KCTD8: variants seen among roughly 807,000 people sequenced by gnomAD.
KCTD8 encodes the protein potassium channel tetramerization domain containing 8, also known as BTB/POZ domain-containing protein KCTD8.
In KCTD8, 27 loss-of-function variants were observed where a neutral mutation model predicts 31.5. The observed-to-expected ratio is 0.86, with a 90% confidence interval of 0.63 to 1.18. The LOEUF is 1.18. Ranked by LOEUF, KCTD8 falls within the 50% of genes most tolerant of loss-of-function variation. The probability of loss-of-function intolerance (pLI) is 0.00; values close to 1 mark genes in which losing one functional copy is unlikely to be tolerated. For synonymous variants in KCTD8, 290 were observed against 280.0 expected (o/e 1.04, Z -0.36); for missense variants, 658 against 647.7 (o/e 1.02, Z -0.17).
intron 1 of KCTD8, among the ~76,000 whole-genome samples, chr4:44,325,262 G>A (rs1467156664): frequency 3.3e-5 from 5 of 151,876 alleles, no homozygotes; most frequent in Non-Finnish European, 7.4e-5. Flanking sequence ...GAAATTCAAA[G>A]TGAAGAGAAC....
intron 1 of KCTD8, among the ~76,000 whole-genome samples, chr4:44,293,059 T>C (rs1717327170): frequency 6.6e-6 from 1 of 152,098 alleles, no homozygotes; most frequent in Non-Finnish European, 1.5e-5. Flanking sequence ...TAAGAGATGT[T>C]GATAAAATGC....
chr4:44,213,598 T>C (rs76709571), intron 1 of KCTD8, among the ~76,000 whole-genome samples: 3,065 of 152,320 alleles, frequency 0.02, 57 homozygotes, highest in Non-Finnish European at 0.029. Context: ...AGTTCAGTTA[T>C]TGTTAATGTT....
intron 1 of KCTD8, among the ~76,000 whole-genome samples, chr4:44,288,525 G>T (rs553262647): frequency 6.6e-6 from 1 of 152,052 alleles, no homozygotes; most frequent in Non-Finnish European, 1.5e-5. Context: ...TATAATTTCT[G>T]CTCTTTCAAA....
At position 44,431,053 on chromosome 4, in the gene KCTD8, T is replaced by A. The variant is rs913477870; in HGVS notation, c.961+16510A>T. Among the ~76,000 whole-genome samples the A allele has an allele frequency of 4.6e-5, 7 of 151,826 alleles. No individual in the cohort carries two copies. The East Asian group carries it at 1.4e-3, about 29-fold the overall frequency. ...AACAAACTGTACTTCAATAACCAAA[T>A]TTTTAAAATATAACTTACAATAGCA... On this transcript the variant is annotated intron_variant, in intron 1 of 1. Transcript: ENST00000360029.
At chr4:44,364,284 T>C (rs1453084189) in intron 1 of KCTD8, among the ~76,000 whole-genome samples, 1 of 152,144 alleles carries the variant, frequency 6.6e-6, no homozygotes, top group South Asian at 2.1e-4. Context: ...AATATTTGAA[T>C]AGACACCACA....
chr4:44,206,803 T>C (rs999056206), intron 1 of KCTD8, among the ~76,000 whole-genome samples: 6 of 152,194 alleles, frequency 3.9e-5, no homozygotes, highest in Non-Finnish European at 7.3e-5. Flanking sequence ...GGAAGTTATT[T>C]AAACATCTCC....
At chr4:44,372,234 T>C (rs920529652) in intron 1 of KCTD8, among the ~76,000 whole-genome samples, 1 of 152,002 alleles carries the variant, frequency 6.6e-6, no homozygotes, top group Non-Finnish European at 1.5e-5. Context: ...CCAAAAATTA[T>C]TGGTAAATTA....
intron 1 of KCTD8, among the ~76,000 whole-genome samples, chr4:44,377,631 C>G (rs1719949830): frequency 6.6e-6 from 1 of 152,132 alleles, no homozygotes; most frequent in Admixed American, 6.5e-5. Flanking sequence ...GACACAAGTT[C>G]CTCTTGTTTA....
chr4:44,341,772 A>C (rs1345113825), intron 1 of KCTD8, among the ~76,000 whole-genome samples: 1 of 152,134 alleles, frequency 6.6e-6, no homozygotes, highest in Non-Finnish European at 1.5e-5. Context: ...GTTGGAATCA[A>C]CTTCTTCCAA....
At chr4:44,180,476 A>T (rs1560387352) in intron 1 of KCTD8, among the ~76,000 whole-genome samples, 1 of 152,216 alleles carries the variant, frequency 6.6e-6, no homozygotes, top group African/African-American at 2.4e-5. Context: ...TGCTCCATCC[A>T]TTGAGCATTT....
At chr4:44,304,588 T>C (rs1256177507) in intron 1 of KCTD8, among the ~76,000 whole-genome samples, 1 of 152,180 alleles carries the variant, frequency 6.6e-6, no homozygotes, top group Non-Finnish European at 1.5e-5. Context: ...TTTGTTGTAC[T>C]GTATTAAGTA....
intron 1 of KCTD8, among the ~76,000 whole-genome samples, chr4:44,289,414 A>G (rs1426782284): frequency 6.6e-6 from 1 of 152,212 alleles, no homozygotes; most frequent in Non-Finnish European, 1.5e-5. Context: ...CTTATCTATT[A>G]TTAAAGTACA....
intron 1 of KCTD8, among the ~76,000 whole-genome samples, chr4:44,358,902 T>G (rs6819070): frequency 0.12 from 18,505 of 152,256 alleles, 1,342 homozygotes; most frequent in East Asian, 0.25. Context: ...TGGTTTTGAT[T>G]TGCATTTCTC....
chr4:44,288,298 A>G (rs1233939782), intron 1 of KCTD8, among the ~76,000 whole-genome samples: 2 of 152,180 alleles, frequency 1.3e-5, no homozygotes, highest in Non-Finnish European at 2.9e-5. Context: ...TAATGAATAG[A>G]AAGTCATTGA....
At chr4:44,369,229 C>G (rs1239839507) in intron 1 of KCTD8, among the ~76,000 whole-genome samples, 2 of 152,250 alleles carry the variant, frequency 1.3e-5, no homozygotes, top group Middle Eastern at 3.4e-3. Flanking sequence ...TATTTAAATT[C>G]CTTTAAGATT....
chr4:44,283,103 G>C (rs1030313036), intron 1 of KCTD8, among the ~76,000 whole-genome samples: 7 of 150,536 alleles, frequency 4.7e-5, no homozygotes, highest in Non-Finnish European at 7.4e-5. Flanking sequence ...TGTCACCCAG[G>C]CTGGAGTGCA....
chr4:44,396,920 C>T (rs141496643), intron 1 of KCTD8, among the ~76,000 whole-genome samples: 142 of 152,164 alleles, frequency 9.3e-4, no homozygotes, highest in African/African-American at 3.2e-3. Flanking sequence ...AATTCAAGCC[C>T]GGTAGTTGAA....
intron 1 of KCTD8, among the ~76,000 whole-genome samples, chr4:44,320,170 CAAAA>C (rs35250421): frequency 4.4e-4 from 14 of 31,918 alleles, no homozygotes; most frequent in Admixed American, 8.9e-4. Flanking sequence ...GCCTCCATCT[CAAAA>C]AAAAAAAAAA....
At chr4:44,375,235 G>A (rs1358678230) in intron 1 of KCTD8, among the ~76,000 whole-genome samples, 4 of 152,098 alleles carry the variant, frequency 2.6e-5, no homozygotes, top group Non-Finnish European at 5.9e-5. Context: ...GGTGTATGCT[G>A]GGAGTGTGAG....
Sources: allele counts gnomAD v4.1 joint callset (sites outside exome capture counted in the v4.1 genomes callset), GRCh38; gene constraint gnomAD v4.1.1; transcripts MANE v1.5; gene names NCBI Gene and HGNC (gene_info 2026-07-23, HGNC 2026-07-21).